Variants in ROCK1 observed in about 807,000 individuals in gnomAD.
ROCK1 encodes rho-associated protein kinase 1.
ROCK1 carries 36 observed loss-of-function variants against 196.8 expected under a neutral mutation model. The ratio of observed to expected loss-of-function variants is 0.18; its 90% CI spans 0.14 to 0.24. The LOEUF is 0.24. ROCK1 is among the 10% of genes least tolerant of loss of function. The probability of loss-of-function intolerance (pLI) is 1.00; values close to 1 mark genes in which losing one functional copy is unlikely to be tolerated. For missense variants in ROCK1, 920 were observed against 1,562.0 expected, an observed-to-expected ratio of 0.59 and a Z score of 6.93; for synonymous variants, 443 against 515.9, an observed-to-expected ratio of 0.86 and a Z score of 1.91.
intron 23 of ROCK1, chr18:20,969,422 A>G: frequency 2.6e-6 from 1 of 384,210 alleles, no homozygotes; most frequent in Non-Finnish European, 4.6e-6. Flanking sequence ...GCATATAGAT[A>G]TATGTATGAA....
At chr18:21,069,715 A>T (rs1176767133) in intron 2 of ROCK1, among the ~76,000 whole-genome samples, 2 of 152,104 alleles carry the variant, frequency 1.3e-5, no homozygotes, top group Non-Finnish European at 2.9e-5. Flanking sequence ...CTATGTTGTC[A>T]GGTAGGGAGG....
intron 29 of ROCK1, among the ~76,000 whole-genome samples, chr18:20,959,075 A>AATATATTATATATAATATATAATATT (rs1568367347): frequency 4.4e-5 from 2 of 45,258 alleles, no homozygotes; most frequent in African/African-American, 2.6e-4. Context: ...TATATTATAT[A>AATATATTATATATAATATATAATATT]ATATATATAT....
At chr18:21,032,390 AAAG>A (rs1252135450) in intron 9 of ROCK1, among the ~76,000 whole-genome samples, 1 of 152,198 alleles carries the variant, frequency 6.6e-6, no homozygotes. Flanking sequence ...CAGAAAAGGA[AAAG>A]AAGAAGGAAT....
At chr18:21,095,882 G>T (rs2036608833) in intron 1 of ROCK1, among the ~76,000 whole-genome samples, 1 of 151,904 alleles carries the variant, frequency 6.6e-6, no homozygotes, top group Admixed American at 6.6e-5. Context: ...TGCTTGAGAG[G>T]ATGGATACCT....
At chr18:20,959,159 A>T (rs2035298715) in intron 29 of ROCK1, among the ~76,000 whole-genome samples, 2 of 74,770 alleles carry the variant, frequency 2.7e-5, no homozygotes, top group Non-Finnish European at 4.6e-5. Context: ...TATATATATT[A>T]TATATTATAT....
At chr18:21,026,630 T>C (rs1346983895) in intron 10 of ROCK1, among the ~76,000 whole-genome samples, 1 of 152,032 alleles carries the variant, frequency 6.6e-6, no homozygotes, top group Non-Finnish European at 1.5e-5. Flanking sequence ...TATCTTACAG[T>C]GGATTACTGA....
rs1225447430 is a variant in ROCK1 at position 20,948,008 on chromosome 18, T to G, written c.*3376A>C. 1.3e-5 allele frequency: 2 copies of G among 151,584 alleles called. No homozygotes were observed. Among genetic ancestry groups the G allele is most frequent in the African/African-American group, 4.8e-5 (2 of 41,264 alleles). The allele number at this position is 151,584 out of a possible 1,614,324, so 9.4% of individuals were successfully genotyped here. A position where few individuals can be genotyped will look rare whatever the true frequency, so the allele number is the denominator to read the frequency against. ...ACCTGTAATCCCAGCTACTCGGGAG[T>G]CTGAGGCAGGAGGATCACTTGAACC... On this transcript the variant is annotated 3_prime_UTR_variant, in exon 33 of 33. Transcript: ENST00000399799.
rs765152877 is a variant in ROCK1, at chr18:20,984,393, T to A, written c.2447A>T (p.Glu816Val). Residue 816 changes from glutamate to valine, a missense_variant, in exon 20 of 33, where the codon GAA (glutamate) becomes GTA (valine). Coordinates refer to ENST00000399799, the MANE Select transcript of ROCK1 (RefSeq NM_005406.3). ...CTCAAATTCTAATAATCTCTTTGCT[T>A]CCAATAAAGTATTTATTTCCTGTTT... The part of the protein sequence containing the change: ...QMKQEINTLL[E>V]AKRLLEFELA... The A allele has an allele frequency of 1.2e-6, 2 of 1,610,562 alleles. No individual in the cohort carries two copies. Among genetic ancestry groups the A allele is most frequent in the Non-Finnish European group, 1.7e-6 (2 of 1,178,594 alleles).
At position 20,967,195 on chromosome 18, in the gene ROCK1, T is replaced by C. The variant is rs2035382248; in HGVS notation, c.3193-119A>G. On this transcript the variant is annotated intron_variant, in intron 26 of 32. Coordinates refer to ENST00000399799, the MANE Select transcript of ROCK1 (RefSeq NM_005406.3). ...AAATGTACAGTAAACTTCATGAATG[T>C]TTGCTACCACAGATTTTGATACACT... 6.0e-6 allele frequency: 4 copies of C among 668,956 alleles called. No individual in the cohort carries two copies. The Admixed American group carries it at 8.8e-5, about 15-fold the overall frequency. 41.4% of individuals were successfully genotyped at this position (668,956 alleles called of 1,614,324 possible).
chr18:20,984,635 G>A lies in ROCK1; in HGVS notation c.2305-100C>T, dbSNP rs2035561968. The A allele has an allele frequency of 3.3e-5, 26 of 787,484 alleles. No homozygotes were observed. The East Asian group carries it at 7.1e-4, about 22-fold the overall frequency. The allele number at this position is 787,484 out of a possible 1,614,324, so 48.8% of individuals were successfully genotyped here. A position where few individuals can be genotyped will look rare whatever the true frequency, so the allele number is the denominator to read the frequency against. On this transcript the variant is annotated intron_variant, in intron 19 of 32. Transcript: ENST00000399799. Reference sequence around the variant, plus strand: ...CCAAATCAAGTACATTATAATTCATGGTACTAGTAGAAAATATTAGTATTT... The same window carrying A: ...CCAAATCAAGTACATTATAATTCATAGTACTAGTAGAAAATATTAGTATTT...
chr18:21,083,031 T>C (rs1274998681), intron 1 of ROCK1, among the ~76,000 whole-genome samples: 7 of 152,152 alleles, frequency 4.6e-5, no homozygotes, highest in African/African-American at 1.7e-4. Context: ...AAAAATCAGT[T>C]GCATTTCTAT....
intron 5 of ROCK1, 118 bp downstream of exon 5, chr18:21,045,174 G>T: frequency 1.1e-6 from 1 of 941,286 alleles, no homozygotes; most frequent in Non-Finnish European, 1.5e-6. Flanking sequence ...CTTGAGTTCT[G>T]AAAGGTCACT....
At chr18:21,044,408 T>C (rs1317766059) in intron 5 of ROCK1, among the ~76,000 whole-genome samples, 2 of 152,194 alleles carry the variant, frequency 1.3e-5, no homozygotes, top group South Asian at 2.1e-4. Context: ...TTTAAAAGTT[T>C]CATTCTTTCA....
chr18:21,003,428 C>A (rs575471438), intron 16 of ROCK1, among the ~76,000 whole-genome samples: 8 of 152,214 alleles, frequency 5.3e-5, no homozygotes, highest in African/African-American at 1.9e-4. Context: ...AACTTAAGCA[C>A]TAATTAGATA....
At chr18:21,012,650 C>T (rs185254402) in intron 13 of ROCK1, among the ~76,000 whole-genome samples, 1 of 152,206 alleles carries the variant, frequency 6.6e-6, no homozygotes, top group East Asian at 1.9e-4. Flanking sequence ...TGCTAAGCTT[C>T]TTGGTAGTTC....
At chr18:20,975,106 C>A (rs187656643) in intron 22 of ROCK1, among the ~76,000 whole-genome samples, 108 of 151,952 alleles carry the variant, frequency 7.1e-4, no homozygotes, top group African/African-American at 2.5e-3. Context: ...TTGTTTCTAG[C>A]GGAAAAACAA....
chr18:21,075,948 T>A (rs2036426156), intron 1 of ROCK1, among the ~76,000 whole-genome samples: 2 of 122,532 alleles, frequency 1.6e-5, no homozygotes, highest in Admixed American at 9.2e-5. Context: ...CAAGACTCTG[T>A]CTCAAAAAAA....
chr18:20,987,168 C>A, intron 18 of ROCK1, 58 bp from the exon 19 acceptor site: 1 of 1,499,636 alleles, frequency 6.7e-7, no homozygotes, highest in Admixed American at 1.9e-5. Context: ...TAACACATTT[C>A]ACTTTATATG....
chr18:21,086,005 G>A (rs1598557870), intron 1 of ROCK1, among the ~76,000 whole-genome samples: 1 of 152,168 alleles, frequency 6.6e-6, no homozygotes, highest in Non-Finnish European at 1.5e-5. Context: ...TTTGGGGAGA[G>A]AGAGTTTGTC....
Sources: allele counts gnomAD v4.1 joint callset (sites outside exome capture counted in the v4.1 genomes callset), GRCh38; gene constraint gnomAD v4.1.1; transcripts MANE v1.5; gene names NCBI Gene and HGNC (gene_info 2026-07-23, HGNC 2026-07-21).